The following ATP6V0E1 variants were observed in gnomAD, a reference collection of about 807,000 sequenced individuals.
ATP6V0E1 encodes V-type proton ATPase subunit e 1.
ATP6V0E1 carries 4 observed loss-of-function variants against 11.6 expected under a neutral mutation model. That is an observed-to-expected ratio of 0.35 (90% CI 0.17 to 0.79). The LOEUF is 0.79. ATP6V0E1 is among the 30% of genes least tolerant of loss of function. The pLI is 0.54. For missense variants in ATP6V0E1, 105 were observed against 100.0 expected (o/e 1.05, Z -0.21); for synonymous variants, 36 against 34.8 (o/e 1.04, Z -0.13).
intron 1 of ATP6V0E1, among the ~76,000 whole-genome samples, chr5:172,985,202 G>A (rs1194081591): frequency 2.1e-5 from 3 of 144,876 alleles, no homozygotes; most frequent in East Asian, 2.0e-4. Flanking sequence ...CCGAGATCGC[G>A]CCACTGCACT....
intron 2 of ATP6V0E1, among the ~76,000 whole-genome samples, chr5:173,006,467 A>G (rs998215183): frequency 1.3e-5 from 2 of 151,974 alleles, no homozygotes; most frequent in African/African-American, 2.4e-5. Context: ...AAAATTAGCC[A>G]GGCGTGGTGG....
At chr5:172,997,943 C>G (rs889963332) in intron 2 of ATP6V0E1, among the ~76,000 whole-genome samples, 1 of 151,918 alleles carries the variant, frequency 6.6e-6, no homozygotes, top group African/African-American at 2.4e-5. Flanking sequence ...ATGTTGAAAC[C>G]CTTTCTCTAC....
intron 2 of ATP6V0E1, among the ~76,000 whole-genome samples, chr5:173,019,142 G>T (rs1057072164): frequency 3.3e-5 from 5 of 152,126 alleles, no homozygotes. Flanking sequence ...TTTTTATAGA[G>T]ACGGGTTCTC....
chr5:173,024,393 TTTG>T (rs1297328878), intron 3 of ATP6V0E1, among the ~76,000 whole-genome samples: 15 of 152,196 alleles, frequency 9.9e-5, no homozygotes, highest in Admixed American at 6.5e-4. Flanking sequence ...GTTGTTGTTT[TTTG>T]TTGTTGTTGT....
intron 3 of ATP6V0E1, among the ~76,000 whole-genome samples, chr5:173,022,209 G>C (rs1756497076): frequency 6.6e-6 from 1 of 152,148 alleles, no homozygotes; most frequent in Admixed American, 6.5e-5. Flanking sequence ...TAAATGCCTT[G>C]ACTAGATTTA....
At chr5:172,998,863 G>A (rs1003208167) in intron 2 of ATP6V0E1, among the ~76,000 whole-genome samples, 1 of 152,024 alleles carries the variant, frequency 6.6e-6, no homozygotes, top group Non-Finnish European at 1.5e-5. Context: ...AATGGGGGCC[G>A]GGCGTGTTGG....
intron 2 of ATP6V0E1, among the ~76,000 whole-genome samples, chr5:173,011,822 G>A (rs1189961239): frequency 6.6e-6 from 1 of 152,108 alleles, no homozygotes; most frequent in African/African-American, 2.4e-5. Context: ...TACACATGAA[G>A]TAATAGATTC....
intron 2 of ATP6V0E1, among the ~76,000 whole-genome samples, chr5:173,010,220 C>T (rs572612518): frequency 6.6e-6 from 1 of 151,986 alleles, no homozygotes; most frequent in Non-Finnish European, 1.5e-5. Flanking sequence ...TGGGTGGTCG[C>T]GGGAGAGGAG....
intron 3 of ATP6V0E1, among the ~76,000 whole-genome samples, chr5:173,022,236 C>T (rs1429516059): frequency 6.6e-6 from 1 of 152,070 alleles, no homozygotes; most frequent in East Asian, 1.9e-4. Context: ...AGTTTTTTGG[C>T]TCTTTAGGTG....
intron 3 of ATP6V0E1, among the ~76,000 whole-genome samples, chr5:173,030,448 T>G (rs200850822): frequency 1.7e-4 from 26 of 150,422 alleles, no homozygotes; most frequent in African/African-American, 2.7e-4. Context: ...TTTGTTTTTT[T>G]TTTTTTTTTT....
At chr5:173,013,303 C>T (rs764013865) in intron 2 of ATP6V0E1, among the ~76,000 whole-genome samples, 6 of 151,658 alleles carry the variant, frequency 4.0e-5, no homozygotes, top group East Asian at 2.0e-4. Context: ...TGGCCGGGCG[C>T]GGTGGCTCAC....
In ATP6V0E1 at chr5:173,034,438, C is replaced by A; in HGVS notation, c.*76C>A. On this transcript the variant is annotated 3_prime_UTR_variant, in exon 4 of 4. Coordinates refer to ENST00000519374, the MANE Select transcript of ATP6V0E1 (RefSeq NM_003945.4). ...ATGCCTTCTAGATGCAAAATCACCT[C>A]CAAACCAGACCACTTTTCTTGACTT... is the stretch of plus-strand genomic sequence containing the variant. 1 of 703,000 alleles carries A rather than the reference C, an allele frequency of 1.4e-6. No homozygotes were observed. Among genetic ancestry groups the A allele is most frequent in the East Asian group, 2.7e-5 (1 of 37,292 alleles). 43.5% of individuals were successfully genotyped at this position (703,000 alleles called of 1,614,324 possible).
At chr5:173,009,409 C>T (rs567727063) in intron 2 of ATP6V0E1, among the ~76,000 whole-genome samples, 1 of 148,158 alleles carries the variant, frequency 6.7e-6, no homozygotes, top group South Asian at 2.1e-4. Flanking sequence ...AAGATAAAAA[C>T]AAAAATTCCC....
intron 3 of ATP6V0E1, among the ~76,000 whole-genome samples, chr5:173,024,381 T>TTGTTGTTGTTTTTTGA (rs1312346550): frequency 1.3e-5 from 2 of 152,008 alleles, no homozygotes. Context: ...TTGTGTTTTG[T>TTGTTGTTGTTTTTTGA]TGTTGTTGTT....
At chr5:173,025,164 T>A (rs1421128769) in intron 3 of ATP6V0E1, among the ~76,000 whole-genome samples, 5 of 122,118 alleles carry the variant, frequency 4.1e-5, no homozygotes, top group Non-Finnish European at 1.6e-5. Flanking sequence ...TTTTTTTTTT[T>A]AAAGACAGAG....
intron 3 of ATP6V0E1, among the ~76,000 whole-genome samples, chr5:173,024,395 TG>T (rs1460289332): frequency 2.0e-5 from 3 of 152,106 alleles, no homozygotes; most frequent in African/African-American, 7.2e-5. Flanking sequence ...TGTTGTTTTT[TG>T]TTGTTGTTGT....
chr5:172,984,050 T>C, intron 1 of ATP6V0E1, 86 bp downstream of exon 1: 1 of 1,325,054 alleles, frequency 7.5e-7, no homozygotes, highest in Non-Finnish European at 1.1e-6. Context: ...CCCACACGGG[T>C]CAGAGAACGT....
At chr5:173,024,798 A>G (rs1756531092) in intron 3 of ATP6V0E1, among the ~76,000 whole-genome samples, 1 of 151,698 alleles carries the variant, frequency 6.6e-6, no homozygotes, top group Admixed American at 6.6e-5. Flanking sequence ...TTTTCTCTTC[A>G]AATATAACAT....
chr5:172,992,437 T>TC (rs1308608955), intron 1 of ATP6V0E1, among the ~76,000 whole-genome samples: 1 of 152,060 alleles, frequency 6.6e-6, no homozygotes, highest in Admixed American at 6.6e-5. Context: ...ACCTCACCTT[T>TC]CCCCAGGCTC....
Sources: gnomAD v4.1 joint callset for allele counts (sites outside exome capture counted in the v4.1 genomes callset) on GRCh38, gnomAD v4.1.1 for gene constraint, MANE v1.5 for transcripts, NCBI Gene and HGNC (gene_info 2026-07-23, HGNC 2026-07-21) for gene names.